Variants in SV2C observed in about 807,000 individuals in gnomAD.
SV2C encodes the protein synaptic vesicle glycoprotein 2C, also known as solute carrier family 22 member B3.
A neutral mutation model predicts 79.7 loss-of-function variants in SV2C; 49 were observed. The ratio of observed to expected loss-of-function variants is 0.61; its 90% confidence interval spans 0.49 to 0.78. The LOEUF (loss-of-function observed/expected upper bound fraction) is 0.78. Ranked by LOEUF, SV2C falls within the 30% of genes least tolerant of loss-of-function variation. The pLI, the probability that SV2C is intolerant of heterozygous loss-of-function variation, is 0.00. For synonymous variants in SV2C, 334 were observed against 333.2 expected, an observed-to-expected ratio of 1.00 and a Z score of -0.03; for missense variants, 833 against 912.9, an observed-to-expected ratio of 0.91 and a Z score of 1.13.
chr5:75,992,100 T>A, the SV2C span, among the ~76,000 whole-genome samples: 2 of 152,094 alleles, frequency 1.3e-5, no homozygotes, highest in South Asian at 4.1e-4. Flanking sequence ...TTAGATGTAT[T>A]TCTGAAAAAT....
upstream of SV2C, chr5:76,082,531 C>A (rs917986596): frequency 2.0e-5 from 3 of 151,450 alleles, no homozygotes; most frequent in Middle Eastern, 3.3e-3. Flanking sequence ...TCTCTCTCTT[C>A]TCTCCTCTCT....
At chr5:76,268,569 G>A (rs1002689961) in intron 4 of SV2C, among the ~76,000 whole-genome samples, 3 of 152,186 alleles carry the variant, frequency 2.0e-5, no homozygotes. Flanking sequence ...GAGGACTCAC[G>A]GGAATTTTGA....
chr5:75,869,921 T>C, the SV2C span, among the ~76,000 whole-genome samples: 10 of 152,192 alleles, frequency 6.6e-5, no homozygotes, highest in Non-Finnish European at 1.5e-4. Flanking sequence ...GTGGTACATC[T>C]AGTCTGCAAA....
chr5:76,087,047 T>C lies in SV2C; in HGVS notation c.-102+3535T>C, dbSNP rs1486271621. Among the ~76,000 whole-genome samples, 6 of 152,294 alleles carry C rather than the reference T, an allele frequency of 3.9e-5. No homozygotes were observed. The East Asian group carries it at 1.2e-3, about 29-fold the overall frequency. Reference sequence around the variant, plus strand: ...AATATATGATGAGTTATATTTTAAGTTTGAAGTTTGCTTATAAGTAGTATA... The same window carrying C: ...AATATATGATGAGTTATATTTTAAGCTTGAAGTTTGCTTATAAGTAGTATA... On this transcript the variant is annotated intron_variant, in intron 1 of 12. Coordinates refer to ENST00000502798, the MANE Select transcript of SV2C (RefSeq NM_014979.4).
chr5:76,027,332 G>C, the SV2C span, among the ~76,000 whole-genome samples: 2 of 152,036 alleles, frequency 1.3e-5, no homozygotes, highest in Admixed American at 6.6e-5. Flanking sequence ...AAAGTGCTGA[G>C]ATTACAGGTG....
chr5:76,015,703 A>T, the SV2C span, among the ~76,000 whole-genome samples: 3 of 152,164 alleles, frequency 2.0e-5, no homozygotes, highest in East Asian at 1.9e-4. Flanking sequence ...TTTTTAATGT[A>T]TAATTGTCTG....
At chr5:75,921,025 A>C in the SV2C span, 1 of 719,970 alleles carries the variant, frequency 1.4e-6, no homozygotes, top group Non-Finnish European at 2.5e-6. Context: ...TCTCATCCCT[A>C]ATCACCACCC....
chr5:75,914,028 C>A, the SV2C span, among the ~76,000 whole-genome samples: 1 of 152,144 alleles, frequency 6.6e-6, no homozygotes, highest in African/African-American at 2.4e-5. Context: ...TTTATTCACC[C>A]ATTTGCCAAT....
chr5:76,337,615 G>T (rs2112582673), downstream of SV2C, among the ~76,000 whole-genome samples: 1 of 152,280 alleles, frequency 6.6e-6, no homozygotes, highest in African/African-American at 2.4e-5. Context: ...TGGGCAGGTA[G>T]CATGGGCTGT....
At chr5:76,153,328 G>A (rs1044823909) in intron 2 of SV2C, among the ~76,000 whole-genome samples, 2 of 152,072 alleles carry the variant, frequency 1.3e-5, no homozygotes, top group Non-Finnish European at 2.9e-5. Flanking sequence ...ACCTTCCTTC[G>A]GCCTTGGCAG....
chr5:76,208,548 C>T (rs1744676726), intron 3 of SV2C, among the ~76,000 whole-genome samples: 1 of 152,178 alleles, frequency 6.6e-6, no homozygotes, highest in South Asian at 2.1e-4. Flanking sequence ...GCCAAAATGA[C>T]CTTTCCCTAA....
the SV2C span, among the ~76,000 whole-genome samples, chr5:75,914,130 A>G: frequency 2.0e-5 from 3 of 152,308 alleles, no homozygotes; most frequent in East Asian, 3.9e-4. Flanking sequence ...TGTCTTCTCT[A>G]TGATTCCCAG....
chr5:76,343,459 A>G (rs1475775932), intron 12 of SV2C, among the ~76,000 whole-genome samples: 1 of 152,216 alleles, frequency 6.6e-6, no homozygotes, highest in Non-Finnish European at 1.5e-5. Context: ...TTAACATATG[A>G]AAAGGTGCTC....
the SV2C span, among the ~76,000 whole-genome samples, chr5:75,964,107 C>T: frequency 6.6e-6 from 1 of 151,996 alleles, no homozygotes; most frequent in Non-Finnish European, 1.5e-5. Flanking sequence ...ATTTCTGTTT[C>T]CCCCAAGGAC....
chr5:76,013,676 A>G, the SV2C span, among the ~76,000 whole-genome samples: 1 of 152,070 alleles, frequency 6.6e-6, no homozygotes, highest in African/African-American at 2.4e-5. Context: ...AGAGATAAAA[A>G]GAAAGTAATT....
chr5:75,952,501 G>T, the SV2C span, among the ~76,000 whole-genome samples: 1 of 151,834 alleles, frequency 6.6e-6, no homozygotes. Context: ...TGGAGGTGGG[G>T]CCTGGTGGGA....
intron 8 of SV2C, 106 bp from the exon 9 acceptor site, chr5:76,295,672 C>A: frequency 9.2e-7 from 1 of 1,082,154 alleles, no homozygotes; most frequent in Non-Finnish European, 1.3e-6. Context: ...TTATAGGGAG[C>A]CAGCCATTCT....
the SV2C span, among the ~76,000 whole-genome samples, chr5:75,916,806 C>G: frequency 6.6e-6 from 1 of 152,182 alleles, no homozygotes; most frequent in African/African-American, 2.4e-5. Context: ...AGCACTTACA[C>G]CTTTCTGGAG....
At chr5:76,049,222 G>A in the SV2C span, among the ~76,000 whole-genome samples, 528 of 151,386 alleles carry the variant, frequency 3.5e-3, 5 homozygotes, top group African/African-American at 0.012. Flanking sequence ...CTATAATCCC[G>A]GCTACATAAG....
Sources: gnomAD v4.1 joint callset for allele counts (sites outside exome capture counted in the v4.1 genomes callset) on GRCh38, gnomAD v4.1.1 for gene constraint, MANE v1.5 for transcripts, NCBI Gene and HGNC (gene_info 2026-07-23, HGNC 2026-07-21) for gene names.